TG: variants seen among roughly 807,000 people sequenced by gnomAD.
TG encodes thyroid hormones.
In TG, 270 loss-of-function variants were observed where a neutral mutation model predicts 324.7. That is an observed-to-expected ratio of 0.83 (90% CI 0.75 to 0.92). The LOEUF (loss-of-function observed/expected upper bound fraction) is 0.92, where lower values mean the gene tolerates loss of function less well. Among genes scored for constraint, TG ranks in the 40% least tolerant of loss-of-function variants. TG has a pLI of 0.00. For missense variants in TG, 3,591 were observed against 3,456.4 expected (o/e 1.04, Z -0.98); for synonymous variants, 1,401 against 1,327.0 (o/e 1.06, Z -1.21).
At chr8:132,994,654 C>T (rs145015147) in intron 35 of TG, 491 of 1,280,700 alleles carry the variant, frequency 3.8e-4, no homozygotes, top group Non-Finnish European at 4.5e-4. Flanking sequence ...GTGCTGAATT[C>T]CCTGACCTCC....
At chr8:132,962,666 T>C (rs1046058123) in intron 28 of TG, among the ~76,000 whole-genome samples, 6 of 152,222 alleles carry the variant, frequency 3.9e-5, no homozygotes, top group African/African-American at 1.4e-4. Context: ...GTCTCAGTTT[T>C]CTCAAGAGTA....
intron 25 of TG, among the ~76,000 whole-genome samples, chr8:132,937,214 G>A (rs1426647832): frequency 6.6e-6 from 1 of 152,182 alleles, no homozygotes; most frequent in Non-Finnish European, 1.5e-5. Context: ...GGGGAGTACA[G>A]GTGTCACTCT....
intron 41 of TG, among the ~76,000 whole-genome samples, chr8:133,035,388 G>A (rs1837006776): frequency 6.6e-6 from 1 of 152,148 alleles, no homozygotes; most frequent in Non-Finnish European, 1.5e-5. Context: ...TGAATTGGAA[G>A]ATTCTGACTC....
intron 41 of TG, among the ~76,000 whole-genome samples, chr8:133,035,622 A>T (rs772011200): frequency 2.0e-5 from 3 of 152,202 alleles, no homozygotes; most frequent in South Asian, 2.1e-4. Flanking sequence ...ATATCATCCC[A>T]TTAACATAGG....
At chr8:132,925,634 T>C (rs142607777) in intron 22 of TG, among the ~76,000 whole-genome samples, 57 of 151,728 alleles carry the variant, frequency 3.8e-4, no homozygotes, top group African/African-American at 1.3e-3. Context: ...ACAGGGGAAG[T>C]ACAGCAGGAA....
intron 40 of TG, among the ~76,000 whole-genome samples, chr8:133,023,354 A>C (rs1190159353): frequency 6.6e-6 from 1 of 152,044 alleles, no homozygotes; most frequent in African/African-American, 2.4e-5. Flanking sequence ...CCAAGGACGG[A>C]TATAACTTCC....
At chr8:133,113,353 G>C in intron 43 of TG, 69 bp from the exon 44 acceptor site, 1 of 1,581,818 alleles carries the variant, frequency 6.3e-7, no homozygotes, top group Non-Finnish European at 8.7e-7. Context: ...TAGAGCAAGG[G>C]TTTGAGGGAC....
At chr8:132,911,337 A>T (rs1306506209) in intron 18 of TG, 40 bp from the exon 19 acceptor site, 1 of 1,614,014 alleles carries the variant, frequency 6.2e-7, no homozygotes, top group Non-Finnish European at 8.5e-7. Flanking sequence ...CTAGCTTTCT[A>T]CTCTGTGTTC....
chr8:133,018,066 T>A (rs2130920089), intron 38 of TG, 69 bp downstream of exon 38: 1 of 1,469,954 alleles, frequency 6.8e-7, no homozygotes, highest in Non-Finnish European at 9.4e-7. Flanking sequence ...TCTATCCAAA[T>A]GGGACTCAGT....
chr8:132,962,344 C>T (rs539631567), intron 28 of TG, among the ~76,000 whole-genome samples: 3 of 152,050 alleles, frequency 2.0e-5, no homozygotes, highest in Non-Finnish European at 4.4e-5. Context: ...GTGAAATGCC[C>T]ATGGTATGCC....
chr8:133,131,390 G>A (rs2979051), intron 45 of TG, among the ~76,000 whole-genome samples: 34,746 of 152,220 alleles, frequency 0.23, 4,443 homozygotes, highest in South Asian at 0.32. Context: ...AGTGTGAGTT[G>A]TATATGAACA....
In TG at chr8:132,916,388, G is replaced by A. The variant is rs558689949; in HGVS notation, c.4379-2988G>A. Among the ~76,000 whole-genome samples the A allele has an allele frequency of 3.9e-5, 6 of 152,206 alleles. No homozygotes were observed. In the South Asian group the frequency reaches 6.2e-4, roughly 16 times the overall value. On this transcript the variant is annotated intron_variant, in intron 20 of 47. Transcript: ENST00000220616. ...CTTTGTTCTGTCCTCTGCATCACAC[G>A]TCTCCCTTCTCAACAAGGAGGTTCT...
chr8:132,923,775 T>G (rs1821435766), intron 22 of TG, among the ~76,000 whole-genome samples: 1 of 152,194 alleles, frequency 6.6e-6, no homozygotes, highest in Non-Finnish European at 1.5e-5. Context: ...TCTAAGTACT[T>G]CAGCATGCAC....
At position 132,908,245 on chromosome 8, in the gene TG, G is replaced by A. The variant is rs1277867584; in HGVS notation, c.3907G>A (p.Gly1303Ser). Residue 1303 changes from glycine to serine, a missense_variant, in exon 18 of 48, where the codon GGC (glycine) becomes AGC (serine). Physicochemically the swap from Gly to Ser is moderately conservative, Grantham distance 56. Transcript: ENST00000220616. ...GCACTTTCAGCTCCAGCTCCCGCCGGGCAAGATGTGCAGTGCTGACTACGC... is the reference window on the plus strand; with the variant it reads ...GCACTTTCAGCTCCAGCTCCCGCCGAGCAAGATGTGCAGTGCTGACTACGC... ...QGHFQLQLPP[G>S]KMCSADYADL... The A allele has an allele frequency of 6.2e-7, 1 of 1,613,844 alleles. No homozygotes were observed. The highest frequency in any genetic ancestry group is 8.5e-7 in the Non-Finnish European group (1 of 1,179,998).
chr8:132,901,897 A>G (rs1272528890), intron 16 of TG, among the ~76,000 whole-genome samples: 1 of 152,152 alleles, frequency 6.6e-6, no homozygotes, highest in African/African-American at 2.4e-5. Context: ...TGATGGTTCC[A>G]TCCTCACTGA....
Position 133,039,296 on chromosome 8 carries a change from A to G in TG, c.7239+9273A>G, listed in dbSNP as rs118147999. 2.2e-3 allele frequency among the ~76,000 whole-genome samples: 331 copies of G among 152,368 alleles called. 3 individuals carry two copies. In the East Asian group the frequency reaches 0.025, roughly 12 times the overall value. On this transcript the variant is annotated intron_variant, in intron 41 of 47. Transcript: ENST00000220616. ...ATTTGTGGGCTGTGTGATCTTGGACAAATCACTTAACCCGTCTGAACTGCT... is the reference window on the plus strand; with the variant it reads ...ATTTGTGGGCTGTGTGATCTTGGACGAATCACTTAACCCGTCTGAACTGCT...
At chr8:133,056,286 C>T (rs1405592047) in intron 41 of TG, among the ~76,000 whole-genome samples, 2 of 152,134 alleles carry the variant, frequency 1.3e-5, no homozygotes, top group African/African-American at 4.8e-5. Flanking sequence ...GTTGAATGAT[C>T]AAGTTCTGCC....
Position 132,962,988 on chromosome 8 carries a change from T to A in TG, c.5468-6T>A. On this transcript the variant is annotated splice_region_variant and splice_polypyrimidine_tract_variant and intron_variant, in intron 28 of 47. Coordinates refer to ENST00000220616, the MANE Select transcript of TG (RefSeq NM_003235.5). ...ACATTGCAACAACTCTTTTTTTTCCTCCTAGATTCTGACATGGGGTCTCGG... is the reference window on the plus strand; with the variant it reads ...ACATTGCAACAACTCTTTTTTTTCCACCTAGATTCTGACATGGGGTCTCGG... The A allele has an allele frequency of 1.2e-6, 2 of 1,613,766 alleles. No homozygotes were observed. The highest frequency in any genetic ancestry group is 2.2e-5 in the South Asian group (2 of 91,076).
chr8:133,070,078 G>A (rs991880914), intron 41 of TG, among the ~76,000 whole-genome samples: 4 of 151,012 alleles, frequency 2.6e-5, no homozygotes, highest in African/African-American at 9.8e-5. Flanking sequence ...AAGAAACAAT[G>A]TGGGCCTAGG....
Sources: gnomAD v4.1 joint callset for allele counts (sites outside exome capture counted in the v4.1 genomes callset) on GRCh38, gnomAD v4.1.1 for gene constraint, MANE v1.5 for transcripts, NCBI Gene and HGNC (gene_info 2026-07-23, HGNC 2026-07-21) for gene names.